Variants in PCDHGB7 observed in about 807,000 individuals in gnomAD.
The protein encoded by PCDHGB7 is protocadherin gamma-B7.
A neutral mutation model predicts 61.4 loss-of-function variants in PCDHGB7; 37 were observed. That is an observed-to-expected ratio of 0.60 (90% CI 0.46 to 0.79). The LOEUF (loss-of-function observed/expected upper bound fraction) is 0.79. Ranked by LOEUF, PCDHGB7 falls within the 30% of genes least tolerant of loss-of-function variation. The pLI is 0.00. For missense variants in PCDHGB7, 1,166 were observed against 1,202.5 expected (o/e 0.97, Z 0.45); for synonymous variants, 464 against 503.5 (o/e 0.92, Z 1.05).
intron 1 of PCDHGB7, among the ~76,000 whole-genome samples, chr5:141,436,538 A>G (rs1353206648): frequency 6.6e-6 from 1 of 152,194 alleles, no homozygotes; most frequent in Admixed American, 6.5e-5. Context: ...CAAGTTATTT[A>G]ATCTCTTTGA....
chr5:141,462,414 T>C (rs549473269), intron 1 of PCDHGB7, among the ~76,000 whole-genome samples: 1 of 152,360 alleles, frequency 6.6e-6, no homozygotes, highest in Non-Finnish European at 1.5e-5. Flanking sequence ...CAGAATATGG[T>C]CTATCTTGGT....
intron 2 of PCDHGB7, among the ~76,000 whole-genome samples, chr5:141,496,121 C>A (rs1391009290): frequency 6.6e-6 from 1 of 152,088 alleles, no homozygotes; most frequent in Non-Finnish European, 1.5e-5. Flanking sequence ...TCCTTCCCTG[C>A]CCCTCACACA....
chr5:141,506,847 T>C lies in PCDHGB7; in HGVS notation c.2563+1366T>C, dbSNP rs146737657. ...GAACTGATAGCCCTGCCCTCCAGCA[T>C]GTCTGGAGGACTGGTGGGTAGAGAA... On this transcript the variant is annotated intron_variant, in intron 3 of 3. Coordinates refer to ENST00000398594, the MANE Select transcript of PCDHGB7 (RefSeq NM_018927.4). 3.7e-3 allele frequency among the ~76,000 whole-genome samples: 564 copies of C among 152,318 alleles called. 5 individuals are homozygous for C. Among genetic ancestry groups the C allele is most frequent in the Admixed American group, 0.011 (164 of 15,302 alleles).
Position 141,511,350 on chromosome 5 carries a change from C to G in PCDHGB7, c.*177C>G, listed in dbSNP as rs1303365585. 4.3e-6 allele frequency: 6 copies of G among 1,397,194 alleles called. No homozygotes were observed. Among genetic ancestry groups the G allele is most frequent in the East Asian group, 2.5e-5 (1 of 39,862 alleles). The allele number at this position is 1,397,194 out of a possible 1,614,324, so 86.5% of individuals were successfully genotyped here. On this transcript the variant is annotated 3_prime_UTR_variant, in exon 4 of 4. Transcript: ENST00000398594. ...CCCAGTCAGCACCTACCCCTTCCCC[C>G]CCAGGGGGTTGAATATGCAAAAGCA...
At position 141,491,651 on chromosome 5, in the gene PCDHGB7, A is replaced by G. The variant is rs1379494110; in HGVS notation, c.2416-3156A>G. 1.9e-6 allele frequency: 3 copies of G among 1,613,796 alleles called. 1 individual carries two copies. ...CAGCAGCCCACAGCTCTGGCGCTGGAGCCTGACGCCATCCGGTCCCGCTCT... is the reference window on the plus strand; with the variant it reads ...CAGCAGCCCACAGCTCTGGCGCTGGGGCCTGACGCCATCCGGTCCCGCTCT... On this transcript the variant is annotated intron_variant, in intron 1 of 3. Coordinates refer to ENST00000398594, the MANE Select transcript of PCDHGB7 (RefSeq NM_018927.4). The surrounding 1 kb of genome is among the most constrained non-coding windows in gnomAD (Gnocchi z 6.9).
At chr5:141,441,127 G>A (rs1224106490) in intron 1 of PCDHGB7, 2 of 152,138 alleles carry the variant, frequency 1.3e-5, no homozygotes, top group African/African-American at 2.4e-5. Context: ...AGTTGAGACC[G>A]AATTTCTAGA....
rs1485167379 is a variant in PCDHGB7, at chr5:141,485,881, C to T, written c.2416-8926C>T. 5.0e-6 allele frequency: 8 copies of T among 1,613,984 alleles called. No homozygotes were observed. Among genetic ancestry groups the T allele is most frequent in the East Asian group, 2.2e-5 (1 of 44,880 alleles). On this transcript the variant is annotated intron_variant, in intron 1 of 3. Transcript: ENST00000398594. The surrounding 1 kb of genome is among the most constrained non-coding windows in gnomAD (Gnocchi z 5.7). ...TCCGGGTATCCGTGCTGGACGTAAACGACAACGCCCCAGCCTTCCAGCAAT... is the reference window on the plus strand; with the variant it reads ...TCCGGGTATCCGTGCTGGACGTAAATGACAACGCCCCAGCCTTCCAGCAAT...
intron 1 of PCDHGB7, chr5:141,423,091 G>GCGTAC (rs2096708211): frequency 2.5e-6 from 4 of 1,613,908 alleles, no homozygotes; most frequent in African/African-American, 2.7e-5. Context: ...CGCGGTGGGG[G>GCGTAC]AGCACACGGG....
chr5:141,494,234 A>G (rs1299510042), intron 1 of PCDHGB7, among the ~76,000 whole-genome samples: 1 of 152,138 alleles, frequency 6.6e-6, no homozygotes, highest in Non-Finnish European at 1.5e-5. Context: ...CTAAATTAAT[A>G]ATGTATTTAG....
chr5:141,431,189 G>A lies in PCDHGB7; in HGVS notation c.2415+10915G>A. 2 of 1,614,208 alleles carry A rather than the reference G, an allele frequency of 1.2e-6. No homozygotes were observed. The highest frequency in any genetic ancestry group is 1.7e-6 in the Non-Finnish European group (2 of 1,180,036). On this transcript the variant is annotated intron_variant, in intron 1 of 3. Transcript: ENST00000398594. This position sits in a 1 kb window ranked among gnomAD's most constrained non-coding sequence, Gnocchi z 4.8. ...AAGTGAATTAGAAATAAAAATTAGT[G>A]AAAATGCAGCCACTGAGATGCGGTT...
At chr5:141,430,313 G>A (rs1018901791) in intron 1 of PCDHGB7, among the ~76,000 whole-genome samples, 1 of 150,204 alleles carries the variant, frequency 6.7e-6, no homozygotes, top group South Asian at 2.1e-4. Context: ...AACATTATAA[G>A]ATTAAAATCA....
At chr5:141,475,329 A>G (rs1229101617) in intron 1 of PCDHGB7, among the ~76,000 whole-genome samples, 1 of 152,266 alleles carries the variant, frequency 6.6e-6, no homozygotes, top group Non-Finnish European at 1.5e-5. Context: ...AATGAGAGCT[A>G]ACAATGACAT....
At position 141,460,338 on chromosome 5, in the gene PCDHGB7, T is replaced by C. The variant is rs1180912204; in HGVS notation, c.2416-34469T>C. Among the ~76,000 whole-genome samples, 4 of 152,222 alleles carry C rather than the reference T, an allele frequency of 2.6e-5. No homozygotes were observed. The East Asian group carries it at 7.7e-4, about 29-fold the overall frequency. On this transcript the variant is annotated intron_variant, in intron 1 of 3. Transcript: ENST00000398594. ...GCCTACTGAAAACTTATGATGATTT[T>C]CTCCTATATTTTCTTTTAGAAGTTT...
chr5:141,461,072 A>G (rs555905734), intron 1 of PCDHGB7, among the ~76,000 whole-genome samples: 2 of 151,574 alleles, frequency 1.3e-5, no homozygotes, highest in Non-Finnish European at 2.9e-5. Flanking sequence ...ACATTTTTGC[A>G]ATTGTGAATT....
rs1222348421 is a variant in PCDHGB7, at chr5:141,511,044, C to T, written c.2661C>T (p.Asp887=). 1 of 1,614,128 alleles carries T rather than the reference C, an allele frequency of 6.2e-7. No homozygotes were observed. The highest frequency in any genetic ancestry group is 1.3e-5 in the African/African-American group (1 of 74,940). ...GPQFTLQHVP[D]YRQNVYIPGS... is the part of the protein sequence containing the mutation. ...AGTTCACCCTGCAGCACGTGCCCGA[C>T]TACCGCCAGAATGTCTACATCCCAG... The change falls in exon 4 of 4, where the codon GAC becomes GAT. Residue 887 remains aspartate, a synonymous_variant. Coordinates refer to ENST00000398594, the MANE Select transcript of PCDHGB7 (RefSeq NM_018927.4).
At chr5:141,433,546 T>C (rs1317735935) in intron 1 of PCDHGB7, among the ~76,000 whole-genome samples, 1 of 152,090 alleles carries the variant, frequency 6.6e-6, no homozygotes, top group Non-Finnish European at 1.5e-5. Context: ...TATCAGATAT[T>C]CTTTTCTGGC....
intron 1 of PCDHGB7, among the ~76,000 whole-genome samples, chr5:141,472,725 C>T (rs1250092748): frequency 6.6e-6 from 1 of 152,022 alleles, no homozygotes; most frequent in Non-Finnish European, 1.5e-5. Flanking sequence ...GTGGCTCACA[C>T]CTGTAATCCC....
At chr5:141,427,006 G>C (rs1288837425) in intron 1 of PCDHGB7, 3 of 456,792 alleles carry the variant, frequency 6.6e-6, no homozygotes, top group South Asian at 3.1e-5. Flanking sequence ...CCAGTTTTTA[G>C]CCAGGATGTA....
intron 1 of PCDHGB7, chr5:141,441,678 G>A (rs952726158): frequency 3.4e-6 from 1 of 292,424 alleles, no homozygotes; most frequent in Non-Finnish European, 6.7e-6. Flanking sequence ...GTGCGCCTTC[G>A]ACCAAGAGCA....
Sources: gnomAD v4.1 joint callset for allele counts (sites outside exome capture counted in the v4.1 genomes callset) on GRCh38, gnomAD v4.1.1 for gene constraint, Gnocchi (gnomAD v3.1) non-coding constraint, MANE v1.5 for transcripts, NCBI Gene and HGNC (gene_info 2026-07-23, HGNC 2026-07-21) for gene names.